Variants in CCDC69 observed in about 807,000 individuals in gnomAD.
CCDC69 encodes the protein coiled-coil domain containing 69, also known as coiled-coil domain-containing protein 69.
CCDC69 carries 38 observed loss-of-function variants against 40.3 expected under a neutral mutation model. The observed-to-expected ratio is 0.94, with a 90% CI of 0.73 to 1.24. The LOEUF is 1.24. Among genes scored for constraint, CCDC69 ranks in the 50% most tolerant of loss-of-function variants. The pLI, the probability that CCDC69 is intolerant of heterozygous loss-of-function variation, is 0.00. For missense variants in CCDC69, 389 were observed against 357.9 expected, an observed-to-expected ratio of 1.09 and a Z score of -0.70; for synonymous variants, 141 against 138.9, an observed-to-expected ratio of 1.02 and a Z score of -0.11.
At chr5:151,192,122 A>AT (rs1266103620) in intron 4 of CCDC69, among the ~76,000 whole-genome samples, 30 of 145,146 alleles carry the variant, frequency 2.1e-4, no homozygotes, top group Non-Finnish European at 4.4e-4. Flanking sequence ...AAAAGAAATA[A>AT]AAAAAAAAAA....
chr5:151,221,772 C>A lies in CCDC69; in HGVS notation c.48+2151G>T, dbSNP rs114613739. Among the ~76,000 whole-genome samples the A allele has an allele frequency of 6.7e-3, 1,020 of 152,362 alleles. 5 individuals are homozygous for A. Among genetic ancestry groups the A allele is most frequent in the African/African-American group, 0.024 (983 of 41,586 alleles). On this transcript the variant is annotated intron_variant, in intron 1 of 8. Coordinates refer to ENST00000355417, the MANE Select transcript of CCDC69 (RefSeq NM_015621.3). ...TCAGGGTGAGTCATGGTTATCAGAACCTAACCCCTCTGTAGCCTGAGCTCA... is the reference window on the plus strand; with the variant it reads ...TCAGGGTGAGTCATGGTTATCAGAAACTAACCCCTCTGTAGCCTGAGCTCA...
intron 1 of CCDC69, among the ~76,000 whole-genome samples, chr5:151,222,412 C>A (rs970382035): frequency 6.6e-6 from 1 of 152,232 alleles, no homozygotes; most frequent in East Asian, 1.9e-4. Context: ...CAGGCTCTTC[C>A]CCGTTTCCTC....
intron 6 of CCDC69, 58 bp downstream of exon 6, chr5:151,185,965 C>A: frequency 3.3e-6 from 4 of 1,201,164 alleles, no homozygotes; most frequent in Non-Finnish European, 5.0e-6. Flanking sequence ...TCCTGTTGCC[C>A]GGCCCTGACC....
In CCDC69 at chr5:151,184,393, C is replaced by G; in HGVS notation, c.664G>C (p.Glu222Gln). The G allele has an allele frequency of 6.2e-7, 1 of 1,614,180 alleles. No individual in the cohort carries two copies. The highest frequency in any genetic ancestry group is 1.1e-5 in the South Asian group (1 of 91,080). ...CTTCGGACATGGAGGTCCTCATTTT[C>G]CTGTTGCAGGGTCGTAATTTTTTCC... ...LEEKITTLQQ[E>Q]NEDLHVRSRN... The change falls in exon 8 of 9, where the codon GAA becomes CAA. Residue 222 changes from glutamate (E) to glutamine (Q), a missense_variant. Physicochemically the swap from Glu to Gln is conservative, Grantham distance 29. Coordinates refer to ENST00000355417, the MANE Select transcript of CCDC69 (RefSeq NM_015621.3).
chr5:151,185,897 C>A, intron 6 of CCDC69, 126 bp downstream of exon 6: 2 of 700,110 alleles, frequency 2.9e-6, no homozygotes, highest in Non-Finnish European at 2.6e-6. Flanking sequence ...TATTTCCAGG[C>A]CCTTGTGTAG....
chr5:151,206,895 G>A (rs527402971), intron 1 of CCDC69, among the ~76,000 whole-genome samples: 2 of 150,698 alleles, frequency 1.3e-5, no homozygotes, highest in African/African-American at 4.9e-5. Flanking sequence ...CTCCCAAAGT[G>A]CTGGGATTAC....
At chr5:151,197,399 C>T (rs944911941) in intron 4 of CCDC69, among the ~76,000 whole-genome samples, 2 of 152,068 alleles carry the variant, frequency 1.3e-5, no homozygotes, top group South Asian at 2.1e-4. Flanking sequence ...CATGGTGGCA[C>T]GCGCCTGTAG....
intron 3 of CCDC69, among the ~76,000 whole-genome samples, chr5:151,200,244 TTC>T (rs1752758767): frequency 6.6e-6 from 1 of 152,092 alleles, no homozygotes; most frequent in African/African-American, 2.4e-5. Flanking sequence ...GTTCAAGTGA[TTC>T]TCCTGCCTCA....
In CCDC69 at chr5:151,184,350, A is replaced by G; in HGVS notation, c.707T>C (p.Leu236Pro). 2 of 1,613,478 alleles carry G rather than the reference A, an allele frequency of 1.2e-6. No homozygotes were observed. The highest frequency in any genetic ancestry group is 1.7e-6 in the Non-Finnish European group (2 of 1,179,582). ...GAGGCAGGAAGACAGCTACCTTGAC[A>G]GGACCACCTGGTTGCGGCTTCGGAC... ...LHVRSRNQVV[L>P]SRQLSEDLLL... Residue 236 changes from leucine to proline, a missense_variant, in exon 8 of 9, where the codon CTG becomes CCG. By Grantham distance (98) the Leu-to-Pro change is moderately conservative. Transcript: ENST00000355417.
chr5:151,186,259 A>G (rs368287050), intron 5 of CCDC69, 135 bp from the exon 6 acceptor site: 52 of 682,518 alleles, frequency 7.6e-5, no homozygotes, highest in African/African-American at 4.7e-4. Flanking sequence ...ACAATGCAAC[A>G]TCAACATACT....
In CCDC69 at chr5:151,181,328, A is replaced by T. The variant is rs1319020052; in HGVS notation, c.*2109T>A. The T allele has an allele frequency of 2.0e-5, 3 of 152,038 alleles. No individual in the cohort carries two copies. Among genetic ancestry groups the T allele is most frequent in the Non-Finnish European group, 2.9e-5 (2 of 68,028 alleles). The allele number at this position is 152,038 out of a possible 1,614,324, so 9.4% of individuals were successfully genotyped here. A position where few individuals can be genotyped will look rare whatever the true frequency, so the allele number is the denominator to read the frequency against. On this transcript the variant is annotated 3_prime_UTR_variant, in exon 9 of 9. Coordinates refer to ENST00000355417, the MANE Select transcript of CCDC69 (RefSeq NM_015621.3). ...GCCTCCTGGGTTCACACCATTCTCC[A>T]GCCTCAGCCTCCCAAGCTGCTGGGA...
rs1766664118 is a variant in CCDC69 at position 151,182,899 on chromosome 5, A to G, written c.*538T>C. 2.7e-6 allele frequency: 1 copy of G among 376,968 alleles called. No individual in the cohort carries two copies. Among genetic ancestry groups the G allele is most frequent in the Non-Finnish European group, 5.3e-6 (1 of 187,780 alleles). The allele number at this position is 376,968 out of a possible 1,614,324, so 23.4% of individuals were successfully genotyped here. A position where few individuals can be genotyped will look rare whatever the true frequency, so the allele number is the denominator to read the frequency against. On this transcript the variant is annotated 3_prime_UTR_variant, in exon 9 of 9. Coordinates refer to ENST00000355417, the MANE Select transcript of CCDC69 (RefSeq NM_015621.3). ...GCGGGGTTTGTCCACACTCCCCCCAACCCCTACTCTGGCCTTCAGACAATC... is the reference window on the plus strand; with the variant it reads ...GCGGGGTTTGTCCACACTCCCCCCAGCCCCTACTCTGGCCTTCAGACAATC...
chr5:151,184,051 G>T (rs1339827787), intron 8 of CCDC69, among the ~76,000 whole-genome samples: 1 of 152,106 alleles, frequency 6.6e-6, no homozygotes, highest in East Asian at 1.9e-4. Flanking sequence ...TTCCACTTAG[G>T]CCTGGTGCAC....
chr5:151,216,867 T>A lies in CCDC69; in HGVS notation c.48+7056A>T, dbSNP rs62379737. On this transcript the variant is annotated intron_variant, in intron 1 of 8. Coordinates refer to ENST00000355417, the MANE Select transcript of CCDC69 (RefSeq NM_015621.3). ...GAGAAATCAAGGCTGGGGAAGAGAA[T>A]AGTTAGCAAAAGAGGCAGAAGTGGA... Among the ~76,000 whole-genome samples, 380 of 152,120 alleles carry A rather than the reference T, an allele frequency of 2.5e-3. 1 individual carries two copies. The highest frequency in any genetic ancestry group is 3.8e-3 in the Non-Finnish European group (255 of 67,978).
intron 3 of CCDC69, 110 bp from the exon 4 acceptor site, chr5:151,199,194 T>C (rs562802410): frequency 1.7e-4 from 142 of 825,360 alleles, no homozygotes; most frequent in Non-Finnish European, 2.6e-4. Flanking sequence ...TCCTAACCCT[T>C]CCTCTGAGGG....
chr5:151,199,102 C>T lies in CCDC69; in HGVS notation c.232-18G>A, dbSNP rs748348675. ...TTCTCCACCTGGGGGCAGAGAGTCC[C>T]GGGCAGGACTGAGATTGAGCAGGAT... On this transcript the variant is annotated intron_variant, in intron 3 of 8. Transcript: ENST00000355417. 29 of 1,600,642 alleles carry T rather than the reference C, an allele frequency of 1.8e-5. No homozygotes were observed. The highest frequency in any genetic ancestry group is 3.3e-5 in the Admixed American group (2 of 59,970).
In CCDC69 at chr5:151,185,601, G is replaced by A. The variant is rs1399765179; in HGVS notation, c.496-60C>T. 4.4e-6 allele frequency: 7 copies of A among 1,573,050 alleles called. 1 individual carries two copies. The highest frequency in any genetic ancestry group is 6.1e-6 in the Non-Finnish European group (7 of 1,152,538). ...AGGCTACCTCCCTCCTCCCCATTCT[G>A]CCAGCAACTCATTGTTGGACTTTCA... On this transcript the variant is annotated intron_variant, in intron 6 of 8. Coordinates refer to ENST00000355417, the MANE Select transcript of CCDC69 (RefSeq NM_015621.3).
At chr5:151,197,109 A>G (rs1161792586) in intron 4 of CCDC69, among the ~76,000 whole-genome samples, 1 of 152,264 alleles carries the variant, frequency 6.6e-6, no homozygotes, top group Non-Finnish European at 1.5e-5. Flanking sequence ...TTCCAAGGTG[A>G]AAGAAGTCAG....
intron 1 of CCDC69, among the ~76,000 whole-genome samples, chr5:151,216,944 G>A (rs920201295): frequency 5.3e-5 from 8 of 152,094 alleles, no homozygotes; most frequent in Admixed American, 3.3e-4. Context: ...TGTGTGTGGG[G>A]TGCGGGGAAT....
Sources: gnomAD v4.1 joint callset for allele counts (sites outside exome capture counted in the v4.1 genomes callset) on GRCh38, gnomAD v4.1.1 for gene constraint, MANE v1.5 for transcripts, NCBI Gene and HGNC (gene_info 2026-07-23, HGNC 2026-07-21) for gene names.